The following RARB variants were observed in gnomAD, a reference collection of about 807,000 sequenced individuals.
RARB encodes retinoic acid receptor beta.
Under a neutral mutation model 51.9 loss-of-function variants are expected in RARB, and 17 were observed. The observed-to-expected ratio is 0.33, with a 90% confidence interval of 0.22 to 0.49. RARB has a LOEUF of 0.49. RARB is among the 20% of genes least tolerant of loss of function. RARB has a pLI of 0.99. For missense variants in RARB, 369 were observed against 550.8 expected (o/e 0.67, Z 3.30); for synonymous variants, 215 against 195.4 (o/e 1.10, Z -0.84).
At chr3:24,938,819 T>C (rs940902211) in intron 2 of RARB, among the ~76,000 whole-genome samples, 16 of 152,204 alleles carry the variant, frequency 1.1e-4, no homozygotes, top group African/African-American at 3.4e-4. Context: ...TCATACCATA[T>C]TTGTCCTTTT....
intron 3 of RARB, among the ~76,000 whole-genome samples, chr3:25,553,780 A>G (rs1220648250): frequency 1.3e-5 from 2 of 152,046 alleles, no homozygotes; most frequent in Non-Finnish European, 2.9e-5. Flanking sequence ...GAAACATCCA[A>G]CATCTCTCAG....
chr3:25,133,992 A>C (rs1256708642), intron 4 of RARB, among the ~76,000 whole-genome samples: 5 of 148,624 alleles, frequency 3.4e-5, no homozygotes, highest in African/African-American at 1.2e-4. Context: ...GACATTTGCC[A>C]TGATTTAAAA....
intron 2 of RARB, among the ~76,000 whole-genome samples, chr3:24,863,653 A>C (rs528933245): frequency 6.6e-6 from 1 of 151,892 alleles, no homozygotes; most frequent in Admixed American, 6.5e-5. Context: ...AGAGAACACC[A>C]CTAATTTTCA....
intron 3 of RARB, among the ~76,000 whole-genome samples, chr3:25,082,353 T>A (rs1157687468): frequency 2.0e-5 from 3 of 152,110 alleles, no homozygotes; most frequent in South Asian, 2.1e-4. Context: ...TTTGCCTTGT[T>A]AGGATTAATT....
intron 5 of RARB, among the ~76,000 whole-genome samples, chr3:25,190,178 A>C (rs1701066072): frequency 7.3e-6 from 1 of 137,522 alleles, no homozygotes; most frequent in Admixed American, 7.8e-5. Context: ...CCATGGAAGG[A>C]GACCAGTAGA....
At chr3:25,596,050 T>C (rs61035579) in intron 7 of RARB, among the ~76,000 whole-genome samples, 2,815 of 152,298 alleles carry the variant, frequency 0.018, 88 homozygotes, top group African/African-American at 0.062. Context: ...AAGGAGCAAT[T>C]GTATCAGTTA....
At chr3:25,202,600 C>T (rs1025908549) in intron 5 of RARB, among the ~76,000 whole-genome samples, 28 of 152,176 alleles carry the variant, frequency 1.8e-4, no homozygotes, top group African/African-American at 6.8e-4. Context: ...CTACACACGG[C>T]TTTAAATGTG....
chr3:25,337,863 T>C (rs1323676826), intron 5 of RARB, among the ~76,000 whole-genome samples: 4 of 152,056 alleles, frequency 2.6e-5, no homozygotes, highest in African/African-American at 4.8e-5. Context: ...GAAGAGTAGG[T>C]GATTTAGAGT....
chr3:25,326,976 C>T (rs1704738055), intron 5 of RARB, among the ~76,000 whole-genome samples: 3 of 152,100 alleles, frequency 2.0e-5, no homozygotes, highest in African/African-American at 7.2e-5. Context: ...TCTCCTAATG[C>T]TATCCCTCCC....
intron 2 of RARB, among the ~76,000 whole-genome samples, chr3:25,495,242 A>G (rs1696965898): frequency 6.6e-6 from 1 of 152,236 alleles, no homozygotes; most frequent in Admixed American, 6.5e-5. Context: ...GTTTGAGGGT[A>G]TCAGAGGAGG....
At chr3:25,445,041 C>T (rs780313975) in intron 1 of RARB, among the ~76,000 whole-genome samples, 1 of 152,028 alleles carries the variant, frequency 6.6e-6, no homozygotes, top group African/African-American at 2.4e-5. Context: ...CCTCCGCCTC[C>T]CGGGTTCAAG....
intron 2 of RARB, among the ~76,000 whole-genome samples, chr3:24,947,951 T>A (rs1695810267): frequency 6.6e-6 from 1 of 152,220 alleles, no homozygotes; most frequent in Non-Finnish European, 1.5e-5. Context: ...CCAATTTTTT[T>A]TTTTTCAGGA....
chr3:25,301,335 CCTTG>C (rs1285805703), intron 5 of RARB, among the ~76,000 whole-genome samples: 1 of 152,100 alleles, frequency 6.6e-6, no homozygotes, highest in African/African-American at 2.4e-5. Flanking sequence ...GAGGATCCTC[CCTTG>C]CATGTCTTGG....
At chr3:25,138,594 T>C (rs1009405083) in intron 4 of RARB, among the ~76,000 whole-genome samples, 3 of 152,126 alleles carry the variant, frequency 2.0e-5, no homozygotes, top group Non-Finnish European at 4.4e-5. Context: ...AACATTAGTT[T>C]CTAGGAAAAG....
At chr3:24,928,741 C>A (rs922553097) in intron 2 of RARB, among the ~76,000 whole-genome samples, 2 of 151,976 alleles carry the variant, frequency 1.3e-5, no homozygotes, top group Non-Finnish European at 2.9e-5. Context: ...TCTCAGCTCC[C>A]AAATCCTCAT....
intron 5 of RARB, among the ~76,000 whole-genome samples, chr3:25,410,849 G>A (rs1016122913): frequency 1.3e-5 from 2 of 152,126 alleles, no homozygotes; most frequent in Non-Finnish European, 2.9e-5. Flanking sequence ...ATTCCTGCTC[G>A]CTGCCCCAAC....
At chr3:25,342,598 C>G (rs1029546811) in intron 5 of RARB, among the ~76,000 whole-genome samples, 2 of 152,098 alleles carry the variant, frequency 1.3e-5, no homozygotes, top group Non-Finnish European at 2.9e-5. Context: ...CCTGGTTGGA[C>G]CCAATATCAG....
At chr3:25,031,475 A>G (rs1000756328) in intron 2 of RARB, among the ~76,000 whole-genome samples, 3 of 152,194 alleles carry the variant, frequency 2.0e-5, no homozygotes, top group Non-Finnish European at 4.4e-5. Context: ...TAGAATGTGG[A>G]CACATTTTGC....
chr3:25,452,653 A>G (rs1709243851), intron 1 of RARB, among the ~76,000 whole-genome samples: 1 of 97,116 alleles, frequency 1.0e-5, no homozygotes, highest in East Asian at 3.2e-4. Context: ...GGAAAATGAG[A>G]ATTTAAAAAG....
Sources: gnomAD v4.1 joint callset for allele counts (sites outside exome capture counted in the v4.1 genomes callset) on GRCh38, gnomAD v4.1.1 for gene constraint, MANE v1.5 for transcripts, NCBI Gene and HGNC (gene_info 2026-07-23, HGNC 2026-07-21) for gene names.